VAPA: variants seen among roughly 807,000 people sequenced by gnomAD.
VAPA encodes the protein vesicle-associated membrane protein-associated protein A.
In VAPA, 6 loss-of-function variants were observed where a neutral mutation model predicts 25.6. The ratio of observed to expected loss-of-function variants is 0.23; its 90% CI spans 0.13 to 0.46. The LOEUF (loss-of-function observed/expected upper bound fraction) is 0.46, where lower values mean the gene tolerates loss of function less well. Ranked by LOEUF, VAPA falls within the 20% of genes least tolerant of loss-of-function variation. The probability of loss-of-function intolerance (pLI) is 0.99; values close to 1 mark genes in which losing one functional copy is unlikely to be tolerated. For missense variants in VAPA, 244 were observed against 302.1 expected (o/e 0.81, Z 1.43); for synonymous variants, 112 against 106.2 (o/e 1.05, Z -0.34).
Position 9,958,522 on chromosome 18 carries a change from AG to A in VAPA, c.*4312del, listed in dbSNP as rs1390735038. ...CTCATGATGAGCTTAGGAACATAAA[AG>A]ATAATTGTTGCTTGAATAGCACCCC... On this transcript the variant is annotated 3_prime_UTR_variant, in exon 6 of 6. Coordinates refer to ENST00000400000, the MANE Select transcript of VAPA (RefSeq NM_194434.3). The A allele has an allele frequency of 1.3e-5, 2 of 152,148 alleles. No homozygotes were observed. Among genetic ancestry groups the A allele is most frequent in the African/African-American group, 4.8e-5 (2 of 41,444 alleles). 9.4% of individuals were successfully genotyped at this position (152,148 alleles called of 1,614,324 possible). A position where few individuals can be genotyped will look rare whatever the true frequency, so the allele number is the denominator to read the frequency against.
chr18:9,938,082 T>C (rs1372348194), intron 4 of VAPA, among the ~76,000 whole-genome samples: 1 of 152,194 alleles, frequency 6.6e-6, no homozygotes, highest in Non-Finnish European at 1.5e-5. Context: ...CTGTGTATGC[T>C]TCCCATTTGG....
intron 2 of VAPA, among the ~76,000 whole-genome samples, chr18:9,935,288 T>C (rs1190836050): frequency 6.6e-6 from 1 of 152,120 alleles, no homozygotes; most frequent in African/African-American, 2.4e-5. Context: ...AAACAATATA[T>C]GGGCTGGGTG....
chr18:9,940,718 TAC>T (rs1426224137), intron 4 of VAPA, among the ~76,000 whole-genome samples: 1 of 152,212 alleles, frequency 6.6e-6, no homozygotes, highest in Non-Finnish European at 1.5e-5. Flanking sequence ...AATACATAAA[TAC>T]AGCTTATGAC....
chr18:9,933,911 C>A (rs1182204247), intron 2 of VAPA, among the ~76,000 whole-genome samples: 1 of 152,164 alleles, frequency 6.6e-6, no homozygotes, highest in African/African-American at 2.4e-5. Flanking sequence ...CCTAGGAATC[C>A]ATACAACTAT....
At position 9,934,574 on chromosome 18, in the gene VAPA, T is replaced by TTTA. The variant is rs567674759; in HGVS notation, c.233-1532_233-1530dup. Reference sequence around the variant, plus strand: ...CTCAGACACACCTTATGAATAAGACTTTATTACATAATTATTTCTTACATT... The same window carrying TTTA: ...CTCAGACACACCTTATGAATAAGACTTTATTATTACATAATTATTTCTTACATT... On this transcript the variant is annotated intron_variant, in intron 2 of 5. Coordinates refer to ENST00000400000, the MANE Select transcript of VAPA (RefSeq NM_194434.3). Among the ~76,000 whole-genome samples, 43 of 152,378 alleles carry TTTA rather than the reference T, an allele frequency of 2.8e-4. 1 individual carries two copies. Among genetic ancestry groups the TTTA allele is most frequent in the African/African-American group, 8.9e-4 (37 of 41,594 alleles).
At chr18:9,924,712 A>C (rs531635676) in intron 1 of VAPA, among the ~76,000 whole-genome samples, 20 of 152,168 alleles carry the variant, frequency 1.3e-4, no homozygotes, top group Non-Finnish European at 2.5e-4. Flanking sequence ...GTGGTAAGTA[A>C]AGTTAATCAC....
rs2069532796 is a variant in VAPA at position 9,955,055 on chromosome 18, GAGAAT to G, written c.*849_*853del. The G allele has an allele frequency of 6.6e-6, 1 of 152,212 alleles. No homozygotes were observed. Among genetic ancestry groups the G allele is most frequent in the Non-Finnish European group, 1.5e-5 (1 of 68,014 alleles). The allele number at this position is 152,212 out of a possible 1,614,324, so 9.4% of individuals were successfully genotyped here. The stretch of plus-strand genomic sequence containing the variant: ...CAAGATAATAGAAAATAAGGTCCAT[GAGAAT>G]AGAAGTTATGTGATTTCAGTGAGTT... On this transcript the variant is annotated 3_prime_UTR_variant, in exon 6 of 6. Transcript: ENST00000400000.
At chr18:9,948,480 T>C (rs1261250453) in intron 4 of VAPA, 1 of 152,250 alleles carries the variant, frequency 6.6e-6, no homozygotes, top group Non-Finnish European at 1.5e-5. Flanking sequence ...ATTTAAAATT[T>C]TATGCAATGT....
At chr18:9,938,618 G>T (rs928779494) in intron 4 of VAPA, among the ~76,000 whole-genome samples, 1 of 152,172 alleles carries the variant, frequency 6.6e-6, no homozygotes, top group African/African-American at 2.4e-5. Flanking sequence ...TTCAGAGCAG[G>T]TATTACTAGT....
intron 4 of VAPA, among the ~76,000 whole-genome samples, chr18:9,940,861 A>G (rs559455539): frequency 1.2e-4 from 18 of 152,332 alleles, no homozygotes; most frequent in African/African-American, 4.1e-4. Flanking sequence ...AAATTTATGT[A>G]ATTCAAACTT....
chr18:9,936,902 C>A (rs192080198), intron 3 of VAPA, 84 bp from the exon 4 acceptor site: 42 of 1,173,564 alleles, frequency 3.6e-5, no homozygotes, highest in Non-Finnish European at 4.9e-5. Context: ...CAGCTTCACT[C>A]ATCTTTTAGC....
chr18:9,914,665 C>G (rs190863479), intron 1 of VAPA: 6 of 150,832 alleles, frequency 4.0e-5, no homozygotes, highest in African/African-American at 1.2e-4. Context: ...CCCGCCCGCG[C>G]CGCGGTCCGC....
chr18:9,950,541 G>A lies in VAPA; in HGVS notation c.564G>A (p.Lys188=). 1 of 1,610,618 alleles carries A rather than the reference G, an allele frequency of 6.2e-7. No individual in the cohort carries two copies. The highest frequency in any genetic ancestry group is 8.5e-7 in the Non-Finnish European group (1 of 1,179,282). Residue 188 remains lysine (K), a synonymous_variant, in exon 5 of 6, where the codon AAG becomes AAA. Transcript: ENST00000400000. ...ECKRLQGEMM[K]LSEENRHLRD... ...AAAGACTTCAGGGAGAAATGATGAA[G>A]CTATCAGAAGAAAATCGGCACCTGA...
At chr18:9,915,995 A>G (rs1555614663) in intron 1 of VAPA, among the ~76,000 whole-genome samples, 1 of 151,884 alleles carries the variant, frequency 6.6e-6, no homozygotes. Flanking sequence ...TTTTTTTTTA[A>G]TATTTCGTTT....
intron 1 of VAPA, among the ~76,000 whole-genome samples, chr18:9,919,593 T>G (rs76150619): frequency 1.3e-5 from 2 of 152,164 alleles, no homozygotes; most frequent in African/African-American, 4.8e-5. Context: ...TGAGTAAAAG[T>G]TATCCTGGTG....
Position 9,941,076 on chromosome 18 carries a change from G to A in VAPA, c.417+4010G>A, listed in dbSNP as rs1038941986. Reference sequence around the variant, plus strand: ...TCACATTGCGTATTTGCCTATTAAAGGCTCTGAGAAAACGTAACGGTAAAG... The same window carrying A: ...TCACATTGCGTATTTGCCTATTAAAAGCTCTGAGAAAACGTAACGGTAAAG... On this transcript the variant is annotated intron_variant, in intron 4 of 5. Coordinates refer to ENST00000400000, the MANE Select transcript of VAPA (RefSeq NM_194434.3). Among the ~76,000 whole-genome samples, 14 of 151,926 alleles carry A rather than the reference G, an allele frequency of 9.2e-5. No individual in the cohort carries two copies. The East Asian group carries it at 2.7e-3, about 29-fold the overall frequency.
chr18:9,914,090 C>T lies in VAPA; in HGVS notation c.-167C>T. 1 of 548,302 alleles carries T rather than the reference C, an allele frequency of 1.8e-6. No homozygotes were observed. The highest frequency in any genetic ancestry group is 2.3e-5 in the South Asian group (1 of 44,088). 34.0% of individuals were successfully genotyped at this position (548,302 alleles called of 1,614,324 possible). A position where few individuals can be genotyped will look rare whatever the true frequency, so the allele number is the denominator to read the frequency against. On this transcript the variant is annotated 5_prime_UTR_variant, in exon 1 of 6. Coordinates refer to ENST00000400000, the MANE Select transcript of VAPA (RefSeq NM_194434.3). ...GTTGTGGGACCCGGAGCTGCTGACC[C>T]AGCGGGTGGCCCACCGAACCGGTGA...
Position 9,914,100 on chromosome 18 carries a change from C to G in VAPA, c.-157C>G. The G allele has an allele frequency of 1.8e-6, 1 of 569,030 alleles. No individual in the cohort carries two copies. The highest frequency in any genetic ancestry group is 3.0e-6 in the Non-Finnish European group (1 of 334,818). 35.2% of individuals were successfully genotyped at this position (569,030 alleles called of 1,614,324 possible). ...CCGGAGCTGCTGACCCAGCGGGTGG[C>G]CCACCGAACCGGTGACACAGCGGCA... is the stretch of plus-strand genomic sequence containing the variant. On this transcript the variant is annotated 5_prime_UTR_variant, in exon 1 of 6. Transcript: ENST00000400000.
rs2069589012 is a variant in VAPA at position 9,959,879 on chromosome 18, TTTAA to T, written c.*5671_*5674del. On this transcript the variant is annotated 3_prime_UTR_variant, in exon 6 of 6. Coordinates refer to ENST00000400000, the MANE Select transcript of VAPA (RefSeq NM_194434.3). ...GAGCAAACTTTCTTTTTTGTGCTGT[TTTAA>T]TTCAAAATGTATATCCTTAATTGTA... 2 of 152,104 alleles carry T rather than the reference TTTAA, an allele frequency of 1.3e-5. No homozygotes were observed. Among genetic ancestry groups the T allele is most frequent in the South Asian group, 4.1e-4 (2 of 4,832 alleles). 9.4% of individuals were successfully genotyped at this position (152,104 alleles called of 1,614,324 possible).
Sources: gnomAD v4.1 joint callset for allele counts (sites outside exome capture counted in the v4.1 genomes callset) on GRCh38, gnomAD v4.1.1 for gene constraint, MANE v1.5 for transcripts, NCBI Gene and HGNC (gene_info 2026-07-23, HGNC 2026-07-21) for gene names.